NAGK: variants seen among roughly 807,000 people sequenced by gnomAD.
NAGK encodes the protein N-acetylglucosamine kinase.
Under a neutral mutation model 42.9 loss-of-function variants are expected in NAGK, and 35 were observed. The observed-to-expected ratio is 0.82, with a 90% CI of 0.62 to 1.08. The LOEUF is 1.08. NAGK is among the 50% of genes least tolerant of loss of function. NAGK has a pLI of 0.00. For synonymous variants in NAGK, 172 were observed against 176.0 expected, an observed-to-expected ratio of 0.98 and a Z score of 0.18; for missense variants, 446 against 446.0, an observed-to-expected ratio of 1.00 and a Z score of 0.00.
chr2:71,073,318 C>T, intron 5 of NAGK, 164 bp from the exon 6 acceptor site: 1 of 533,496 alleles, frequency 1.9e-6, no homozygotes. Context: ...TGATAGAGAC[C>T]CTCCCACCCC....
At chr2:71,071,074 C>T (rs1671986136) in intron 3 of NAGK, 2 of 525,448 alleles carry the variant, frequency 3.8e-6, no homozygotes, top group African/African-American at 3.8e-5. Context: ...GTTTGAATCC[C>T]AGCTTTGCTG....
At chr2:71,072,210 C>CT in intron 4 of NAGK, 1 of 275,540 alleles carries the variant, frequency 3.6e-6, no homozygotes, top group South Asian at 4.9e-5. Flanking sequence ...GTTTTGCCTG[C>CT]TATACCATGT....
intron 6 of NAGK, chr2:71,074,893 G>A (rs1405168554): frequency 2.6e-5 from 4 of 152,136 alleles, no homozygotes; most frequent in Non-Finnish European, 5.9e-5. Flanking sequence ...TCCAGCTTGG[G>A]TGACAGAGCG....
At position 71,070,517 on chromosome 2, in the gene NAGK, C is replaced by T. The variant is rs781237572; in HGVS notation, c.45C>T (p.Ser15=). Reference sequence around the variant, plus strand: ...TGTTCTGTAGGGGAGGCACACGATCCGAGGTCCTTTTAGTCTCAGAGGATG... The same window carrying T: ...TGTTCTGTAGGGGAGGCACACGATCTGAGGTCCTTTTAGTCTCAGAGGATG... ...YGGVEGGGTR[S]EVLLVSEDGK... The change falls in exon 2 of 10, where the codon TCC becomes TCT. Residue 15 remains serine, a synonymous_variant. Transcript: ENST00000244204. 1.2e-5 allele frequency: 19 copies of T among 1,613,762 alleles called. No homozygotes were observed. Among genetic ancestry groups the T allele is most frequent in the South Asian group, 2.2e-5 (2 of 91,026 alleles).
At chr2:71,076,457 C>A in intron 7 of NAGK, 147 bp from the exon 8 acceptor site, 1 of 614,350 alleles carries the variant, frequency 1.6e-6, no homozygotes, top group Non-Finnish European at 2.9e-6. Context: ...GCTTCTCCAC[C>A]TGCCACGAGG....
intron 4 of NAGK, among the ~76,000 whole-genome samples, chr2:71,072,080 G>A (rs1033668190): frequency 1.3e-5 from 2 of 152,182 alleles, no homozygotes; most frequent in Admixed American, 1.3e-4. Flanking sequence ...ACCACCTGGG[G>A]GCGGTGTAGT....
chr2:71,072,302 T>C (rs1672044978), intron 4 of NAGK: 1 of 316,956 alleles, frequency 3.2e-6, no homozygotes, highest in Non-Finnish European at 6.0e-6. Flanking sequence ...GTTTAGGGTA[T>C]GAGTGAATAT....
In NAGK at chr2:71,070,840, G is replaced by A; in HGVS notation, c.213+1G>A. 13 of 1,614,174 alleles carry A rather than the reference G, an allele frequency of 8.1e-6. No homozygotes were observed. The highest frequency in any genetic ancestry group is 1.0e-5 in the Non-Finnish European group (12 of 1,180,010). ...TCCTCTGGTACCGCTGCGAAGCTTG[G>A]TGAGTCTGGGGCGGAGCCTGGGAAT... On this transcript the variant is annotated splice_donor_variant, in intron 3 of 9. Transcript: ENST00000244204. LOFTEE classifies it high-confidence loss of function.
At position 71,071,799 on chromosome 2, in the gene NAGK, C is replaced by T. The variant is rs746274812; in HGVS notation, c.327C>T (p.Ala109=). 22 of 1,614,112 alleles carry T rather than the reference C, an allele frequency of 1.4e-5. No individual in the cohort carries two copies. Among genetic ancestry groups the T allele is most frequent in the African/African-American group, 6.7e-5 (5 of 75,034 alleles). ...SESYLITTDA[A]GSIATATPDG... ...GCTACTTAATCACCACCGATGCCGC[C>T]GGCTCCATCGCCACAGCTACACCGG... Residue 109 remains alanine (A), a synonymous_variant, in exon 4 of 10, where the codon GCC becomes GCT. Coordinates refer to ENST00000244204, the MANE Select transcript of NAGK (RefSeq NM_017567.6).
intron 1 of NAGK, 103 bp downstream of exon 1, chr2:71,068,815 T>A: frequency 1.4e-6 from 2 of 1,409,904 alleles, no homozygotes; most frequent in Non-Finnish European, 1.8e-6. Context: ...CCGGGCACTT[T>A]GGGCGGCGGG....
intron 8 of NAGK, 79 bp downstream of exon 8, chr2:71,076,780 T>G (rs1672228459): frequency 8.4e-7 from 1 of 1,184,526 alleles, no homozygotes; most frequent in Admixed American, 1.9e-5. Flanking sequence ...GACTATCCCA[T>G]CAAACCCTGC....
intron 1 of NAGK, chr2:71,070,143 C>T (rs1021667910): frequency 4.1e-6 from 1 of 244,714 alleles, no homozygotes; most frequent in Admixed American, 5.2e-5. Flanking sequence ...CGTCTGAACA[C>T]ACACTTCATA....
At chr2:71,068,771 A>T in intron 1 of NAGK, 59 bp downstream of exon 1, 1 of 1,436,550 alleles carries the variant, frequency 7.0e-7, no homozygotes, top group Non-Finnish European at 9.1e-7. Flanking sequence ...GGCCGTGGCC[A>T]GCCTGGCAAG....
intron 3 of NAGK, 26 bp from the exon 4 acceptor site, chr2:71,071,660 A>T: frequency 1.3e-6 from 2 of 1,599,956 alleles, no homozygotes; most frequent in Non-Finnish European, 1.7e-6. Flanking sequence ...GGCTCTGCAC[A>T]CTCGCTCACC....
In NAGK at chr2:71,078,660, C is replaced by T. The variant is rs1672305928; in HGVS notation, c.*152C>T. 5.4e-6 allele frequency: 5 copies of T among 934,542 alleles called. No homozygotes were observed. Among genetic ancestry groups the T allele is most frequent in the Non-Finnish European group, 7.8e-6 (5 of 642,648 alleles). The allele number at this position is 934,542 out of a possible 1,614,324, so 57.9% of individuals were successfully genotyped here. ...TCCCCAATTGGACTGCATTATCAAA[C>T]ACATGTGCTATGTACATCCTCAGTG... On this transcript the variant is annotated 3_prime_UTR_variant, in exon 10 of 10. Transcript: ENST00000244204.
intron 6 of NAGK, chr2:71,074,779 G>A (rs929658694): frequency 2.6e-5 from 4 of 152,268 alleles, no homozygotes; most frequent in Non-Finnish European, 1.5e-5. Context: ...GCCAGGCGTG[G>A]TGGCGGGTGC....
At chr2:71,077,148 G>A (rs1038528896) in intron 8 of NAGK, among the ~76,000 whole-genome samples, 1 of 152,016 alleles carries the variant, frequency 6.6e-6, no homozygotes, top group Non-Finnish European at 1.5e-5. Context: ...GCTAATTTTT[G>A]TATTTTTGGT....
chr2:71,071,967 GTC>G, intron 4 of NAGK, 140 bp downstream of exon 4: 1 of 1,202,572 alleles, frequency 8.3e-7, no homozygotes, highest in Non-Finnish European at 1.1e-6. Context: ...AGTAGTTTAA[GTC>G]TCTGCCAGAG....
chr2:71,068,568 A>C, upstream of NAGK: 1 of 1,517,086 alleles, frequency 6.6e-7, no homozygotes, highest in Non-Finnish European at 8.8e-7. Context: ...ACAGGGAGTC[A>C]GCTGGCTGCG....
Sources: gnomAD v4.1 joint callset for allele counts (sites outside exome capture counted in the v4.1 genomes callset) on GRCh38, gnomAD v4.1.1 for gene constraint, MANE v1.5 for transcripts, NCBI Gene and HGNC (gene_info 2026-07-23, HGNC 2026-07-21) for gene names.